The following TMEM132D variants were observed in gnomAD, a reference collection of about 807,000 sequenced individuals.
TMEM132D encodes the protein transmembrane protein 132D.
A neutral mutation model predicts 62.3 loss-of-function variants in TMEM132D; 21 were observed. That is an observed-to-expected ratio of 0.34 (90% CI 0.24 to 0.49). The LOEUF (loss-of-function observed/expected upper bound fraction) is 0.49. Ranked by LOEUF, TMEM132D falls within the 20% of genes least tolerant of loss-of-function variation. The pLI is 0.99. For synonymous variants in TMEM132D, 621 were observed against 575.6 expected (o/e 1.08, Z -1.13); for missense variants, 1,346 against 1,402.8 (o/e 0.96, Z 0.65).
At chr12:129,201,010 G>A (rs924498964) in intron 5 of TMEM132D, among the ~76,000 whole-genome samples, 6 of 152,174 alleles carry the variant, frequency 3.9e-5, no homozygotes, top group Non-Finnish European at 7.3e-5. Context: ...ATTTCCACTG[G>A]TGTGTGTCTC....
chr12:129,143,749 C>T (rs1876810140), intron 5 of TMEM132D, among the ~76,000 whole-genome samples: 2 of 152,120 alleles, frequency 1.3e-5, no homozygotes, highest in African/African-American at 4.8e-5. Flanking sequence ...AAAGGAATGC[C>T]ATTTTTGGGT....
At chr12:129,446,465 T>C (rs1472987941) in intron 3 of TMEM132D, among the ~76,000 whole-genome samples, 2 of 152,216 alleles carry the variant, frequency 1.3e-5, no homozygotes, top group African/African-American at 4.8e-5. Context: ...AATTGGGTCA[T>C]AGCAGGAATG....
chr12:129,718,824 G>A (rs1475405165), intron 1 of TMEM132D, among the ~76,000 whole-genome samples: 1 of 152,166 alleles, frequency 6.6e-6, no homozygotes, highest in East Asian at 1.9e-4. Flanking sequence ...AACAACAGTA[G>A]CTGCCTCACA....
At chr12:129,877,112 T>A (rs1391335011) in intron 1 of TMEM132D, among the ~76,000 whole-genome samples, 1 of 151,522 alleles carries the variant, frequency 6.6e-6, no homozygotes, top group African/African-American at 2.4e-5. Flanking sequence ...AGAAACAACC[T>A]CCTTCAGATG....
intron 3 of TMEM132D, among the ~76,000 whole-genome samples, chr12:129,377,751 C>T (rs10847845): frequency 0.18 from 27,465 of 152,150 alleles, 3,022 homozygotes; most frequent in Non-Finnish European, 0.25. Context: ...CAAAGAAATA[C>T]GTGGTCCACC....
chr12:129,823,885 T>C (rs1872594893), intron 1 of TMEM132D, among the ~76,000 whole-genome samples: 1 of 152,198 alleles, frequency 6.6e-6, no homozygotes, highest in Non-Finnish European at 1.5e-5. Flanking sequence ...TCTCTTATTA[T>C]TGGTTTTAAA....
chr12:129,571,271 G>A (rs155696), intron 2 of TMEM132D, among the ~76,000 whole-genome samples: 59,515 of 151,978 alleles, frequency 0.39, 11,803 homozygotes, highest in East Asian at 0.54. Flanking sequence ...CTAAGTGTTA[G>A]TTTGAAATTT....
chr12:129,902,950 C>G (rs1268185904), intron 1 of TMEM132D, among the ~76,000 whole-genome samples: 1 of 152,160 alleles, frequency 6.6e-6, no homozygotes, highest in African/African-American at 2.4e-5. Flanking sequence ...CTCAAGGGTC[C>G]CCACGCCCTC....
rs1280855048 is a variant in TMEM132D at position 129,074,432 on chromosome 12, C to T, written c.2743G>A (p.Asp915Asn). The T allele has an allele frequency of 2.6e-5, 42 of 1,613,986 alleles. No individual in the cohort carries two copies. The highest frequency in any genetic ancestry group is 3.6e-5 in the Non-Finnish European group (42 of 1,180,044). Reference sequence around the variant, plus strand: ...AAAGCATACATCCCAATTTCTAAGTCGCTCAGCCCTTTGGATGCCTGCATA... The same window carrying T: ...AAAGCATACATCCCAATTTCTAAGTTGCTCAGCCCTTTGGATGCCTGCATA... The part of the protein sequence containing the change: ...DLMQASKGLS[D>N]LEIGMYALLG... The change falls in exon 9 of 9, where the codon GAC (aspartate) becomes AAC (asparagine). Residue 915 changes from aspartate (D) to asparagine (N), a missense_variant. Transcript: ENST00000422113.
At chr12:129,520,392 A>G (rs1245848141) in intron 3 of TMEM132D, among the ~76,000 whole-genome samples, 1 of 152,230 alleles carries the variant, frequency 6.6e-6, no homozygotes. Context: ...GCTGCAAACA[A>G]TAGTCTCCAC....
intron 1 of TMEM132D, among the ~76,000 whole-genome samples, chr12:129,730,856 G>A (rs1869211095): frequency 1.3e-5 from 2 of 151,770 alleles, no homozygotes; most frequent in South Asian, 4.2e-4. Flanking sequence ...TCAGCTTTTG[G>A]GCTCTCGGAC....
At chr12:129,744,961 C>T (rs1472710536) in intron 1 of TMEM132D, among the ~76,000 whole-genome samples, 1 of 152,040 alleles carries the variant, frequency 6.6e-6, no homozygotes, top group Non-Finnish European at 1.5e-5. Context: ...GCGGTTTCCC[C>T]CATGCTGTTC....
At chr12:129,509,488 T>C (rs1364157484) in intron 3 of TMEM132D, among the ~76,000 whole-genome samples, 1 of 152,114 alleles carries the variant, frequency 6.6e-6, no homozygotes, top group East Asian at 1.9e-4. Flanking sequence ...TCCAATTATA[T>C]TCTTTTAGTT....
intron 5 of TMEM132D, among the ~76,000 whole-genome samples, chr12:129,207,477 CTG>C (rs1452847899): frequency 6.6e-6 from 1 of 152,166 alleles, no homozygotes; most frequent in Non-Finnish European, 1.5e-5. Context: ...CTGTGGGTGT[CTG>C]TGAAGATTTT....
chr12:129,531,931 C>G (rs1443047352), intron 2 of TMEM132D, among the ~76,000 whole-genome samples: 1 of 152,134 alleles, frequency 6.6e-6, no homozygotes, highest in African/African-American at 2.4e-5. Context: ...TGGTGTGCCC[C>G]TGTAGTCCTA....
chr12:129,512,299 G>A (rs1875518851), intron 3 of TMEM132D, among the ~76,000 whole-genome samples: 3 of 152,192 alleles, frequency 2.0e-5, no homozygotes, highest in East Asian at 1.9e-4. Flanking sequence ...GGTGTCATCA[G>A]AGTAAATCTC....
intron 3 of TMEM132D, among the ~76,000 whole-genome samples, chr12:129,499,765 A>G (rs1250713388): frequency 6.6e-6 from 1 of 152,200 alleles, no homozygotes; most frequent in Non-Finnish European, 1.5e-5. Flanking sequence ...TAAGTAGAAA[A>G]CACAGAGTAA....
At chr12:129,480,988 T>C (rs1007740517) in intron 3 of TMEM132D, among the ~76,000 whole-genome samples, 4 of 152,142 alleles carry the variant, frequency 2.6e-5, no homozygotes, top group Admixed American at 6.5e-5. Flanking sequence ...ATGAACACTA[T>C]GGGATACTAC....
At chr12:129,445,009 T>C (rs1448598736) in intron 3 of TMEM132D, among the ~76,000 whole-genome samples, 1 of 152,250 alleles carries the variant, frequency 6.6e-6, no homozygotes, top group African/African-American at 2.4e-5. Context: ...TAAATTGTTC[T>C]ATTATAATGA....
Sources: allele counts gnomAD v4.1 joint callset (sites outside exome capture counted in the v4.1 genomes callset), GRCh38; gene constraint gnomAD v4.1.1; transcripts MANE v1.5; gene names NCBI Gene and HGNC (gene_info 2026-07-23, HGNC 2026-07-21).